The following MBNL1 variants were observed in gnomAD, a reference collection of about 807,000 sequenced individuals.
MBNL1 encodes the protein muscleblind like splicing regulator 1, also known as muscleblind-like protein 1.
Under a neutral mutation model 42.2 loss-of-function variants are expected in MBNL1, and 8 were observed. The observed-to-expected ratio is 0.19, with a 90% CI of 0.11 to 0.34. The LOEUF (loss-of-function observed/expected upper bound fraction) is 0.34, where lower values mean the gene tolerates loss of function less well. MBNL1 is among the 10% of genes least tolerant of loss of function. The probability of loss-of-function intolerance (pLI) is 1.00; values close to 1 mark genes in which losing one functional copy is unlikely to be tolerated. For missense variants in MBNL1, 309 were observed against 495.3 expected, an observed-to-expected ratio of 0.62 and a Z score of 3.57; for synonymous variants, 169 against 173.9, an observed-to-expected ratio of 0.97 and a Z score of 0.22.
At chr3:152,384,981 G>A (rs1466717267) in intron 2 of MBNL1, among the ~76,000 whole-genome samples, 1 of 151,970 alleles carries the variant, frequency 6.6e-6, no homozygotes, top group Non-Finnish European at 1.5e-5. Flanking sequence ...ATGAAAAGCA[G>A]GTCAAATAGC....
chr3:152,455,508 A>C, intron 6 of MBNL1, 34 bp from the exon 7 acceptor site: 1 of 1,596,302 alleles, frequency 6.3e-7, no homozygotes, highest in Non-Finnish European at 8.6e-7. Context: ...TCCCTTTTCA[A>C]ATCCACCTTC....
chr3:152,263,412 G>A (rs2036634277), upstream of MBNL1: 1 of 152,104 alleles, frequency 6.6e-6, no homozygotes, highest in South Asian at 2.1e-4. Context: ...CACACAAACA[G>A]GCATACCACA....
chr3:152,367,942 A>G (rs145844276), intron 2 of MBNL1, among the ~76,000 whole-genome samples: 247 of 151,766 alleles, frequency 1.6e-3, no homozygotes, highest in African/African-American at 5.7e-3. Context: ...AAATGGATAG[A>G]TTGCAAAAAC....
chr3:152,332,486 A>G (rs1305935027), intron 2 of MBNL1, among the ~76,000 whole-genome samples: 2 of 152,182 alleles, frequency 1.3e-5, no homozygotes, highest in South Asian at 2.1e-4. Flanking sequence ...TCTTCCTTCT[A>G]TGATAACTTT....
chr3:152,367,077 G>A (rs754358445), intron 2 of MBNL1, among the ~76,000 whole-genome samples: 93 of 152,212 alleles, frequency 6.1e-4, no homozygotes, highest in Non-Finnish European at 1.0e-3. Flanking sequence ...TGGGATACAT[G>A]TGCAGAATGT....
At chr3:152,265,470 T>G (rs1359941441), upstream of MBNL1, 1 of 151,930 alleles carries the variant, frequency 6.6e-6, no homozygotes, top group Admixed American at 6.6e-5. Flanking sequence ...CTTATTGAGC[T>G]ATGAATGTGG....
At chr3:152,297,086 A>G (rs1249527681) in intron 1 of MBNL1, among the ~76,000 whole-genome samples, 1 of 152,144 alleles carries the variant, frequency 6.6e-6, no homozygotes, top group Non-Finnish European at 1.5e-5. Flanking sequence ...CTTTAGAGGA[A>G]GAAAATAGTT....
Position 152,338,430 on chromosome 3 carries a change from G to A in MBNL1, c.174+38063G>A, listed in dbSNP as rs2091951359. The A allele has an allele frequency of 5.1e-6, 5 of 985,354 alleles. No homozygotes were observed. In the African/African-American group the frequency reaches 5.2e-5, roughly 10 times the overall value. 61.0% of individuals were successfully genotyped at this position (985,354 alleles called of 1,614,324 possible). The stretch of plus-strand genomic sequence containing the variant: ...CCCCCTGCTGCTACAGTTGAGCACC[G>A]TGCTGGGTACCATGTTGCCCTCTAC... On this transcript the variant is annotated intron_variant, in intron 2 of 9. Coordinates refer to ENST00000324210, the MANE Select transcript of MBNL1 (RefSeq NM_021038.5).
chr3:152,432,623 A>AT, intron 3 of MBNL1, 94 bp from the exon 4 acceptor site: 1 of 1,092,738 alleles, frequency 9.2e-7, no homozygotes, highest in Non-Finnish European at 1.4e-6. Context: ...CTAAGGAAGA[A>AT]TGGATAGATG....
chr3:152,418,630 A>AGAG (rs1553917170), intron 3 of MBNL1, among the ~76,000 whole-genome samples: 7 of 145,494 alleles, frequency 4.8e-5, no homozygotes, highest in African/African-American at 1.5e-4. Flanking sequence ...AAAAAAAAAA[A>AGAG]AGAGAGAGAG....
chr3:152,460,565 G>GTAAC (rs962936024), intron 9 of MBNL1, among the ~76,000 whole-genome samples: 1 of 148,902 alleles, frequency 6.7e-6, no homozygotes, highest in African/African-American at 2.5e-5. Flanking sequence ...GTATACATAT[G>GTAAC]TAACTAACCT....
chr3:152,280,902 G>T (rs2048050288), intron 1 of MBNL1, among the ~76,000 whole-genome samples: 1 of 151,926 alleles, frequency 6.6e-6, no homozygotes, highest in South Asian at 2.1e-4. Flanking sequence ...ATAAATATTT[G>T]TTTAAAGCCC....
chr3:152,446,812 T>G (rs111496905), intron 5 of MBNL1: 2 of 1,282,632 alleles, frequency 1.6e-6, no homozygotes, highest in African/African-American at 1.5e-5. Context: ...TAGATACAAG[T>G]TTTTTTTTTA....
At chr3:152,339,416 A>G (rs2092469475) in intron 2 of MBNL1, among the ~76,000 whole-genome samples, 1 of 152,070 alleles carries the variant, frequency 6.6e-6, no homozygotes, top group Non-Finnish European at 1.5e-5. Flanking sequence ...AGTTAACAAT[A>G]CAAAACACCT....
At chr3:152,346,907 G>A (rs549998094) in intron 2 of MBNL1, among the ~76,000 whole-genome samples, 1 of 150,016 alleles carries the variant, frequency 6.7e-6, no homozygotes, top group South Asian at 2.1e-4. Context: ...AACCAGTCAT[G>A]GTGACTCACG....
intron 2 of MBNL1, among the ~76,000 whole-genome samples, chr3:152,373,344 A>G (rs2096757915): frequency 7.0e-6 from 1 of 143,434 alleles, no homozygotes; most frequent in Admixed American, 7.0e-5. Context: ...GGGTATGGAA[A>G]AAAAAAAAAA....
intron 4 of MBNL1, among the ~76,000 whole-genome samples, chr3:152,439,660 G>T (rs1580509925): frequency 6.6e-6 from 1 of 152,080 alleles, no homozygotes; most frequent in Admixed American, 6.6e-5. Flanking sequence ...ATTAATCTAT[G>T]TGATTAGAGT....
intron 6 of MBNL1, among the ~76,000 whole-genome samples, chr3:152,452,866 G>A (rs762249811): frequency 2.0e-5 from 3 of 152,030 alleles, no homozygotes; most frequent in Admixed American, 2.0e-4. Context: ...CTTCTATTTT[G>A]GCTTGTATTA....
At chr3:152,244,247 T>A (rs771222256) in intron 1 of MBNL1, 1 of 152,224 alleles carries the variant, frequency 6.6e-6, no homozygotes, top group Non-Finnish European at 1.5e-5. Flanking sequence ...TAATTTTCCA[T>A]GCCCCATAAA....
Sources: gnomAD v4.1 joint callset for allele counts (sites outside exome capture counted in the v4.1 genomes callset) on GRCh38, gnomAD v4.1.1 for gene constraint, MANE v1.5 for transcripts, NCBI Gene and HGNC (gene_info 2026-07-23, HGNC 2026-07-21) for gene names.